The following NOMO1 variants were observed in gnomAD, a reference collection of about 807,000 sequenced individuals.
NOMO1 encodes nodal modulator 3.
Under a neutral mutation model 133.8 loss-of-function variants are expected in NOMO1, and 40 were observed. The observed-to-expected ratio is 0.30, with a 90% CI of 0.23 to 0.39. The LOEUF (loss-of-function observed/expected upper bound fraction) is 0.39. Ranked by LOEUF, NOMO1 falls within the 10% of genes least tolerant of loss-of-function variation. The pLI is 1.00. For missense variants in NOMO1, 462 were observed against 1,419.9 expected, an observed-to-expected ratio of 0.33 and a Z score of 10.84; for synonymous variants, 236 against 570.5, an observed-to-expected ratio of 0.41 and a Z score of 8.36.
chr16:14,856,128 G>T (rs538921939), intron 9 of NOMO1, among the ~76,000 whole-genome samples: 6 of 152,052 alleles, frequency 3.9e-5, no homozygotes, highest in Non-Finnish European at 7.3e-5. Flanking sequence ...TGTGTACCAG[G>T]TGACTAAGAC....
intron 11 of NOMO1, among the ~76,000 whole-genome samples, chr16:14,860,638 G>A (rs973882027): frequency 2.2e-4 from 34 of 151,852 alleles, no homozygotes; most frequent in Non-Finnish European, 5.9e-5. Flanking sequence ...TGCTGTTGAG[G>A]TTACAGGTTT....
chr16:14,869,752 G>C (rs1403992969), intron 16 of NOMO1, among the ~76,000 whole-genome samples: 1 of 151,712 alleles, frequency 6.6e-6, no homozygotes, highest in African/African-American at 2.4e-5. Flanking sequence ...TTCTTGTTTC[G>C]ATACCTGGGA....
rs1000587524 is a variant in NOMO1 at position 14,857,140 on chromosome 16, G to A, written c.964-77G>A. The stretch of plus-strand genomic sequence containing the variant: ...GGAGCAGACATGGTAGGTGGTGGCC[G>A]GCGCAGCAGAAGGAGTCTTTGTGGC... On this transcript the variant is annotated intron_variant, in intron 9 of 30. Coordinates refer to ENST00000287667, the MANE Select transcript of NOMO1 (RefSeq NM_014287.4). 4.3e-5 allele frequency: 69 copies of A among 1,606,218 alleles called. 1 individual carries two copies. Among genetic ancestry groups the A allele is most frequent in the East Asian group, 4.0e-4 (18 of 44,728 alleles).
intron 26 of NOMO1, among the ~76,000 whole-genome samples, chr16:14,883,584 G>C (rs957365132): frequency 6.6e-6 from 1 of 151,714 alleles, no homozygotes; most frequent in East Asian, 1.9e-4. Flanking sequence ...TGCTCGCTTC[G>C]GCCTCCCAAA....
At chr16:14,880,620 G>A (rs1159227587) in intron 24 of NOMO1, among the ~76,000 whole-genome samples, 4 of 151,990 alleles carry the variant, frequency 2.6e-5, no homozygotes, top group African/African-American at 9.7e-5. Context: ...GATCTCAGAT[G>A]ATCTGCCTGC....
At chr16:14,846,311 A>G (rs186126451) in intron 4 of NOMO1, among the ~76,000 whole-genome samples, 1 of 151,214 alleles carries the variant, frequency 6.6e-6, no homozygotes, top group Non-Finnish European at 1.5e-5. Flanking sequence ...ACAGGCGTGA[A>G]CCACCACACC....
At chr16:14,885,574 G>GCTTT (rs1330912019) in intron 27 of NOMO1, among the ~76,000 whole-genome samples, 1 of 151,660 alleles carries the variant, frequency 6.6e-6, no homozygotes, top group Non-Finnish European at 1.5e-5. Flanking sequence ...GTGTGTGTGC[G>GCTTT]CTTTAGTCCA....
At chr16:14,867,615 A>G (rs1964022891) in intron 15 of NOMO1, among the ~76,000 whole-genome samples, 1 of 146,754 alleles carries the variant, frequency 6.8e-6, no homozygotes, top group Admixed American at 6.9e-5. Flanking sequence ...TTTCAGGAGC[A>G]CCTCCGTAGA....
At chr16:14,837,138 C>T (rs1963528713) in intron 1 of NOMO1, among the ~76,000 whole-genome samples, 1 of 152,008 alleles carries the variant, frequency 6.6e-6, no homozygotes, top group Non-Finnish European at 1.5e-5. Flanking sequence ...CTGCCTCGGC[C>T]TCCTGAGTAG....
chr16:14,882,555 C>G, intron 25 of NOMO1, 39 bp from the exon 26 acceptor site: 1 of 1,611,460 alleles, frequency 6.2e-7, no homozygotes, highest in South Asian at 1.1e-5. Context: ...ATACGACAAG[C>G]CCCCTTTCTA....
rs796198749 is a variant in NOMO1 at position 14,839,201 on chromosome 16, C to T, written c.255+705C>T. 2.6e-5 allele frequency among the ~76,000 whole-genome samples: 4 copies of T among 151,830 alleles called. No homozygotes were observed. In the East Asian group the frequency reaches 5.8e-4, roughly 22 times the overall value. ...TCCCAAATAGCTGGGATTACAGGCA[C>T]CTGCCACTACACCCAGCTAATGTTT... On this transcript the variant is annotated intron_variant, in intron 2 of 30. Coordinates refer to ENST00000287667, the MANE Select transcript of NOMO1 (RefSeq NM_014287.4).
At chr16:14,884,861 T>C (rs1404411071) in intron 27 of NOMO1, among the ~76,000 whole-genome samples, 11 of 152,022 alleles carry the variant, frequency 7.2e-5, no homozygotes, top group South Asian at 6.2e-4. Flanking sequence ...TCGTATTAAA[T>C]GTTCTTGCAT....
At chr16:14,836,003 T>TAA (rs957201020) in intron 1 of NOMO1, among the ~76,000 whole-genome samples, 1 of 146,882 alleles carries the variant, frequency 6.8e-6, no homozygotes, top group African/African-American at 2.5e-5. Flanking sequence ...ACCTTACTGT[T>TAA]AAAAAAAAAA....
intron 18 of NOMO1, among the ~76,000 whole-genome samples, chr16:14,874,388 G>T (rs1337948833): frequency 6.6e-6 from 1 of 151,894 alleles, no homozygotes; most frequent in Non-Finnish European, 1.5e-5. Context: ...TCTCTCCAAG[G>T]ACTTTGCACT....
intron 27 of NOMO1, 67 bp from the exon 28 acceptor site, chr16:14,886,694 A>C: frequency 6.2e-7 from 1 of 1,610,246 alleles, no homozygotes; most frequent in Admixed American, 1.7e-5. Context: ...TGTCCTGAGG[A>C]TGTCTGCTAT....
At position 14,871,666 on chromosome 16, in the gene NOMO1, C is replaced by T. The variant is rs1413885753; in HGVS notation, c.1940C>T (p.Ala647Val). 1.2e-5 allele frequency: 19 copies of T among 1,605,840 alleles called. No homozygotes were observed. Among genetic ancestry groups the T allele is most frequent in the South Asian group, 2.2e-5 (2 of 90,728 alleles). ...CGCTCCTGCCACCGGTTTGAGCAAG[C>T]GTTCTACACCTATGACACGTAAGCC... ...TPRSCHRFEQ[A>V]FYTYDTSSPS... The change falls in exon 17 of 31, where the codon GCG becomes GTG. Residue 647 changes from alanine (A) to valine (V), a missense_variant. Physicochemically the swap from Ala to Val is moderately conservative, Grantham distance 64. Transcript: ENST00000287667.
Position 14,857,243 on chromosome 16 carries a change from C to T in NOMO1, c.990C>T (p.Ser330=), listed in dbSNP as rs1291645312. The T allele has an allele frequency of 6.9e-6, 11 of 1,592,186 alleles. No homozygotes were observed. The highest frequency in any genetic ancestry group is 2.2e-5 in the East Asian group (1 of 44,574). The change falls in exon 10 of 31, where the codon TCC becomes TCT. Residue 330 remains serine, a synonymous_variant. Transcript: ENST00000287667. The stretch of plus-strand genomic sequence containing the variant: ...CCGTGTTCCACGTCATGGGATTCTC[C>T]GTCACCGGGAGGGTCTTGAACGGAC... ...IEPVFHVMGF[S]VTGRVLNGPE...
At chr16:14,840,991 T>G (rs1159953510) in intron 2 of NOMO1, among the ~76,000 whole-genome samples, 2 of 151,700 alleles carry the variant, frequency 1.3e-5, no homozygotes, top group African/African-American at 4.9e-5. Context: ...GGGGTGCCTT[T>G]AGTTCCTGAA....
intron 4 of NOMO1, among the ~76,000 whole-genome samples, chr16:14,845,131 C>T (rs542972718): frequency 6.2e-4 from 94 of 151,884 alleles, no homozygotes; most frequent in African/African-American, 2.1e-3. Context: ...AAGTGATTCT[C>T]CTGCCTCACC....
Sources: allele counts gnomAD v4.1 joint callset (sites outside exome capture counted in the v4.1 genomes callset), GRCh38; gene constraint gnomAD v4.1.1; transcripts MANE v1.5; gene names NCBI Gene and HGNC (gene_info 2026-07-23, HGNC 2026-07-21).